Variants in PCDHGA9 observed in about 807,000 individuals in gnomAD.
The protein encoded by PCDHGA9 is protocadherin gamma subfamily A, 9.
Under a neutral mutation model 62.5 loss-of-function variants are expected in PCDHGA9, and 37 were observed. That is an observed-to-expected ratio of 0.59 (90% confidence interval 0.46 to 0.78). The LOEUF is 0.78. Ranked by LOEUF, PCDHGA9 falls within the 30% of genes least tolerant of loss-of-function variation. The pLI, the probability that PCDHGA9 is intolerant of heterozygous loss-of-function variation, is 0.00. For synonymous variants in PCDHGA9, 459 were observed against 484.6 expected, an observed-to-expected ratio of 0.95 and a Z score of 0.69; for missense variants, 1,138 against 1,166.2, an observed-to-expected ratio of 0.98 and a Z score of 0.35.
intron 1 of PCDHGA9, among the ~76,000 whole-genome samples, chr5:141,459,690 C>A (rs1338211972): frequency 6.6e-6 from 1 of 152,174 alleles, no homozygotes; most frequent in African/African-American, 2.4e-5. Context: ...ATAAAGCGTT[C>A]CGCTTGCTAC....
chr5:141,477,263 G>A lies in PCDHGA9; in HGVS notation c.2425-17544G>A, dbSNP rs543767777. 1.4e-5 allele frequency: 23 copies of A among 1,614,192 alleles called. No individual in the cohort carries two copies. The highest frequency in any genetic ancestry group is 1.8e-5 in the Non-Finnish European group (21 of 1,180,046). On this transcript the variant is annotated intron_variant, in intron 1 of 3. Transcript: ENST00000573521. The surrounding 1 kb of genome is among the most constrained non-coding windows in gnomAD (Gnocchi z 4.9). The stretch of plus-strand genomic sequence containing the variant: ...CAGTGTGACTGACCTGGATGCTGGC[G>A]AGAACGGGCTGGTGACCTGCGAAGT...
intron 1 of PCDHGA9, among the ~76,000 whole-genome samples, chr5:141,472,611 G>T (rs1055885253): frequency 1.3e-5 from 2 of 151,938 alleles, no homozygotes; most frequent in South Asian, 4.1e-4. Context: ...ATAAAACAAA[G>T]AAGAAAAAAG....
chr5:141,423,760 G>GT, intron 1 of PCDHGA9: 1 of 279,664 alleles, frequency 3.6e-6, no homozygotes, highest in Non-Finnish European at 5.3e-6. Flanking sequence ...TGGGGGGGGG[G>GT]TGGGGCGGCA....
chr5:141,408,077 G>A, intron 1 of PCDHGA9: 2 of 1,408,130 alleles, frequency 1.4e-6, no homozygotes, highest in South Asian at 3.0e-5. Context: ...ACCTTTCCCA[G>A]CACAGCGGAT....
Position 141,476,873 on chromosome 5 carries a change from G to A in PCDHGA9, c.2425-17934G>A. 1.9e-6 allele frequency: 3 copies of A among 1,613,936 alleles called. No homozygotes were observed. Among genetic ancestry groups the A allele is most frequent in the Non-Finnish European group, 2.5e-6 (3 of 1,180,038 alleles). Reference sequence around the variant, plus strand: ...CAACCAGTCCTTGTACCGGGCGCGCGTCCTGGAGGATGCACCCTCCGGCAC... The same window carrying A: ...CAACCAGTCCTTGTACCGGGCGCGCATCCTGGAGGATGCACCCTCCGGCAC... On this transcript the variant is annotated intron_variant, in intron 1 of 3. Transcript: ENST00000573521. The surrounding 1 kb of genome is among the most constrained non-coding windows in gnomAD (Gnocchi z 7.6).
In PCDHGA9 at chr5:141,432,076, G is replaced by A. The variant is rs1442341840; in HGVS notation, c.2424+26700G>A. The A allele has an allele frequency of 1.2e-6, 2 of 1,614,160 alleles. No homozygotes were observed. Among genetic ancestry groups the A allele is most frequent in the East Asian group, 2.2e-5 (1 of 44,872 alleles). On this transcript the variant is annotated intron_variant, in intron 1 of 3. Coordinates refer to ENST00000573521, the MANE Select transcript of PCDHGA9 (RefSeq NM_018921.3). This position sits in a 1 kb window ranked among gnomAD's most constrained non-coding sequence, Gnocchi z 6.0. ...CCCTATCCACGGAAACTCATATCTCGCTGAACGTGGCAGACACCAACGACA... is the reference window on the plus strand; with the variant it reads ...CCCTATCCACGGAAACTCATATCTCACTGAACGTGGCAGACACCAACGACA...
intron 1 of PCDHGA9, chr5:141,422,550 G>A: frequency 6.2e-7 from 1 of 1,613,978 alleles, no homozygotes; most frequent in Non-Finnish European, 8.5e-7. Flanking sequence ...ATGTCTGGCT[G>A]AATGTGGCAG....
At chr5:141,472,617 A>G (rs1024856184) in intron 1 of PCDHGA9, among the ~76,000 whole-genome samples, 3 of 152,138 alleles carry the variant, frequency 2.0e-5, no homozygotes, top group African/African-American at 7.2e-5. Flanking sequence ...CAAAGAAGAA[A>G]AAAGATAAAG....
chr5:141,447,848 G>A (rs539844218), intron 1 of PCDHGA9, among the ~76,000 whole-genome samples: 46 of 152,302 alleles, frequency 3.0e-4, no homozygotes, highest in East Asian at 2.7e-3. Context: ...TGCTTTGGGA[G>A]GCCGAGGTGG....
rs778246278 is a variant in PCDHGA9 at position 141,491,522 on chromosome 5, A to C, written c.2425-3285A>C. The C allele has an allele frequency of 6.2e-6, 10 of 1,614,024 alleles. No individual in the cohort carries two copies. The highest frequency in any genetic ancestry group is 8.5e-6 in the Non-Finnish European group (10 of 1,180,002). ...TCGGACGGCACGCTCAAGTACATGGAGGTGACGCTGCGGCCCACAGACTCG... is the reference window on the plus strand; with the variant it reads ...TCGGACGGCACGCTCAAGTACATGGCGGTGACGCTGCGGCCCACAGACTCG... On this transcript the variant is annotated intron_variant, in intron 1 of 3. Coordinates refer to ENST00000573521, the MANE Select transcript of PCDHGA9 (RefSeq NM_018921.3). The surrounding 1 kb of genome is among the most constrained non-coding windows in gnomAD (Gnocchi z 6.9).
At chr5:141,456,615 A>G (rs561978043) in intron 1 of PCDHGA9, among the ~76,000 whole-genome samples, 3 of 152,318 alleles carry the variant, frequency 2.0e-5, no homozygotes, top group East Asian at 3.9e-4. Flanking sequence ...AAGTCCCTGT[A>G]GATTTGCCTC....
Position 141,476,376 on chromosome 5 carries a change from T to C in PCDHGA9, c.2425-18431T>C. ...GTGAACCGGGAGACCGGAGAGATGT[T>C]TGTGAACGACCGTCTGGATCGAGAG... On this transcript the variant is annotated intron_variant, in intron 1 of 3. Coordinates refer to ENST00000573521, the MANE Select transcript of PCDHGA9 (RefSeq NM_018921.3). The surrounding 1 kb of genome is among the most constrained non-coding windows in gnomAD (Gnocchi z 7.6). The C allele has an allele frequency of 6.2e-7, 1 of 1,614,060 alleles. No homozygotes were observed. Among genetic ancestry groups the C allele is most frequent in the Non-Finnish European group, 8.5e-7 (1 of 1,180,004 alleles).
rs1334326806 is a variant in PCDHGA9 at position 141,404,268 on chromosome 5, C to A, written c.1316C>A (p.Thr439Asn). ...CCCCTGTCCACAGAAATTCACATCA[C>A]CCTGCAAGTGACTGACATCAATGAT... ...TPPLSTEIHI[T>N]LQVTDINDNP... is the part of the protein sequence containing the mutation. Residue 439 changes from threonine to asparagine, a missense_variant, in exon 1 of 4, where the codon ACC (threonine) becomes AAC (asparagine). Coordinates refer to ENST00000573521, the MANE Select transcript of PCDHGA9 (RefSeq NM_018921.3). 2 of 1,613,860 alleles carry A rather than the reference C, an allele frequency of 1.2e-6. No individual in the cohort carries two copies. Among genetic ancestry groups the A allele is most frequent in the African/African-American group, 2.7e-5 (2 of 74,944 alleles).
chr5:141,426,437 C>T (rs914971616), intron 1 of PCDHGA9: 6 of 300,546 alleles, frequency 2.0e-5, no homozygotes, highest in South Asian at 6.4e-5. Flanking sequence ...GGGAACCTTG[C>T]GGAGGACATG....
intron 1 of PCDHGA9, chr5:141,420,166 A>G: frequency 1.2e-6 from 2 of 1,614,036 alleles, no homozygotes; most frequent in Non-Finnish European, 1.7e-6. Flanking sequence ...ATTTTTTCAC[A>G]TCTGTTGATC....
chr5:141,415,427 G>C, intron 1 of PCDHGA9: 3 of 1,614,188 alleles, frequency 1.9e-6, no homozygotes, highest in Non-Finnish European at 2.5e-6. Flanking sequence ...GACGGGGTTC[G>C]GGCTTTCCTG....
At chr5:141,415,012 C>T (rs1451963535) in intron 1 of PCDHGA9, 2 of 1,613,644 alleles carry the variant, frequency 1.2e-6, no homozygotes, top group South Asian at 1.1e-5. Context: ...CTACCGTCTG[C>T]TCAAGGCCAG....
chr5:141,460,142 G>A (rs932507660), intron 1 of PCDHGA9, among the ~76,000 whole-genome samples: 5 of 151,950 alleles, frequency 3.3e-5, no homozygotes, highest in African/African-American at 1.2e-4. Flanking sequence ...TATTCTTGAT[G>A]TGAGCTCTTT....
At chr5:141,408,121 T>C in intron 1 of PCDHGA9, 1 of 1,475,406 alleles carries the variant, frequency 6.8e-7, no homozygotes, top group South Asian at 1.4e-5. Context: ...CCTCCTGTCC[T>C]GGGCCGAATG....
Sources: gnomAD v4.1 joint callset for allele counts (sites outside exome capture counted in the v4.1 genomes callset) on GRCh38, gnomAD v4.1.1 for gene constraint, Gnocchi (gnomAD v3.1) non-coding constraint, MANE v1.5 for transcripts, NCBI Gene and HGNC (gene_info 2026-07-23, HGNC 2026-07-21) for gene names.